The following EML6 variants were observed in gnomAD, a reference collection of about 807,000 sequenced individuals.
EML6 encodes EMAP like 6, also known as echinoderm microtubule-associated protein-like 6.
A neutral mutation model predicts 240.1 loss-of-function variants in EML6; 154 were observed. That is an observed-to-expected ratio of 0.64 (90% CI 0.56 to 0.73). EML6 has a LOEUF of 0.73. Ranked by LOEUF, EML6 falls within the 30% of genes least tolerant of loss-of-function variation. The pLI is 0.00. For synonymous variants in EML6, 1,148 were observed against 899.0 expected (o/e 1.28, Z -4.95); for missense variants, 2,964 against 2,474.6 (o/e 1.20, Z -4.20).
At chr2:54,821,461 C>T (rs557593719) in intron 5 of EML6, among the ~76,000 whole-genome samples, 1 of 152,104 alleles carries the variant, frequency 6.6e-6, no homozygotes, top group East Asian at 1.9e-4. Flanking sequence ...TATCATTTAT[C>T]TCCAAATTTA....
At chr2:54,828,057 C>A (rs1668682633) in intron 6 of EML6, among the ~76,000 whole-genome samples, 1 of 152,178 alleles carries the variant, frequency 6.6e-6, no homozygotes. Flanking sequence ...TTAATGTGCC[C>A]ATGAGTTTCT....
chr2:54,910,283 C>T (rs1558676724), intron 24 of EML6, among the ~76,000 whole-genome samples: 1 of 152,216 alleles, frequency 6.6e-6, no homozygotes, highest in Admixed American at 6.5e-5. Flanking sequence ...TTAAGCCTTA[C>T]AAGATTGTTG....
intron 28 of EML6, among the ~76,000 whole-genome samples, chr2:54,930,392 C>T (rs1674789136): frequency 6.6e-6 from 1 of 152,154 alleles, no homozygotes; most frequent in Non-Finnish European, 1.5e-5. Context: ...GGTAGGAGGA[C>T]TGATGATAGA....
intron 34 of EML6, among the ~76,000 whole-genome samples, chr2:54,959,491 G>T (rs762431461): frequency 1.1e-4 from 16 of 152,140 alleles, no homozygotes; most frequent in Non-Finnish European, 1.9e-4. Context: ...GAGAGGCATG[G>T]TGGTTCACGC....
intron 7 of EML6, among the ~76,000 whole-genome samples, chr2:54,832,708 T>G (rs562261739): frequency 1.3e-5 from 2 of 150,216 alleles, no homozygotes; most frequent in South Asian, 4.2e-4. Flanking sequence ...GAAAGCAGAG[T>G]GGACAGAAGA....
chr2:54,841,192 C>A (rs972670643), intron 7 of EML6, among the ~76,000 whole-genome samples: 1 of 152,270 alleles, frequency 6.6e-6, no homozygotes, highest in African/African-American at 2.4e-5. Flanking sequence ...GACATCCTGA[C>A]TGCTTTCACC....
At chr2:54,860,134 T>G (rs1479049576) in intron 12 of EML6, among the ~76,000 whole-genome samples, 1 of 152,186 alleles carries the variant, frequency 6.6e-6, no homozygotes, top group Non-Finnish European at 1.5e-5. Flanking sequence ...AACCCTACCC[T>G]GCGCACTGCT....
intron 9 of EML6, among the ~76,000 whole-genome samples, chr2:54,848,997 A>G (rs1669923296): frequency 6.6e-6 from 1 of 152,210 alleles, no homozygotes; most frequent in Admixed American, 6.5e-5. Flanking sequence ...TGATTTATTT[A>G]TGTTAATCTT....
At position 54,959,106 on chromosome 2, in the gene EML6, C is replaced by T. The variant is rs1676373638; in HGVS notation, c.4698C>T (p.Asn1566=). The T allele has an allele frequency of 6.5e-7, 1 of 1,549,624 alleles. No individual in the cohort carries two copies. Among genetic ancestry groups the T allele is most frequent in the African/African-American group, 1.4e-5 (1 of 73,058 alleles). ...QTMLSVAFGA[N]NLTFTGAING... ...AGAAGATGTTGTTTTGTTTACAGAA[C>T]AATCTCACTTTCACGGGTGCCATCA... The change falls in exon 34 of 42, where the codon AAC becomes AAT. Residue 1566 remains asparagine (N), a splice_region_variant and synonymous_variant. Transcript: ENST00000356458.
At chr2:54,744,985 G>T (rs1176692572) in intron 2 of EML6, among the ~76,000 whole-genome samples, 1 of 149,452 alleles carries the variant, frequency 6.7e-6, no homozygotes, top group Non-Finnish European at 1.5e-5. Context: ...GGCCTTCCCA[G>T]TGAGGGAGTG....
chr2:54,890,417 C>T (rs1209748155), intron 17 of EML6, among the ~76,000 whole-genome samples: 2 of 152,154 alleles, frequency 1.3e-5, no homozygotes, highest in Non-Finnish European at 2.9e-5. Context: ...GATGCCAAGT[C>T]TACAGCCCAG....
chr2:54,968,626 A>G, intron 40 of EML6, 42 bp from the exon 41 acceptor site: 1 of 1,180,712 alleles, frequency 8.5e-7, no homozygotes, highest in Non-Finnish European at 1.2e-6. Flanking sequence ...TGCTGAGAGG[A>G]GCCAGGGTCT....
chr2:54,815,359 G>A (rs1315436301), intron 3 of EML6, among the ~76,000 whole-genome samples: 4 of 152,162 alleles, frequency 2.6e-5, no homozygotes, highest in Admixed American at 6.5e-5. Context: ...CCTGGACAGA[G>A]TTCACTGGAA....
chr2:54,757,959 G>T (rs1181726890), intron 2 of EML6, among the ~76,000 whole-genome samples: 3 of 149,142 alleles, frequency 2.0e-5, no homozygotes, highest in Non-Finnish European at 3.0e-5. Flanking sequence ...TTGTGGGCCT[G>T]TGTCTTTTAA....
intron 5 of EML6, among the ~76,000 whole-genome samples, chr2:54,823,868 CTCTCTCTCTTTCTG>C (rs1386631708): frequency 8.1e-5 from 12 of 148,234 alleles, no homozygotes; most frequent in African/African-American, 2.6e-4. Context: ...CTCTCTCTCT[CTCTCTCTCTTTCTG>C]TCTCTCTCTC....
rs11315862 is a variant in EML6 at position 54,957,354 on chromosome 2, GAAAA to G, written c.4487-421_4487-418del. 1.9e-4 allele frequency among the ~76,000 whole-genome samples: 20 copies of G among 106,470 alleles called. 1 individual carries two copies. The South Asian group carries it at 5.7e-3, about 30-fold the overall frequency. 69.8% of individuals were successfully genotyped at this position (106,470 alleles called of 152,430 possible). A position where few individuals can be genotyped will look rare whatever the true frequency, so the allele number is the denominator to read the frequency against. On this transcript the variant is annotated intron_variant, in intron 32 of 41. Transcript: ENST00000356458. ...TAAAGAAAATGCAGGAGAATCTTAG[GAAAA>G]AAAAAAAAAAAAAAGCTCTCTAGAG...
Position 54,725,029 on chromosome 2 carries a change from G to C in EML6, c.-33G>C. On this transcript the variant is annotated 5_prime_UTR_variant, in exon 2 of 42. Coordinates refer to ENST00000356458, the MANE Select transcript of EML6 (RefSeq NM_001039753.4). The surrounding 1 kb of genome is among the most constrained non-coding windows in gnomAD (Gnocchi z 4.3). ...CTCGGCGAGGACGGCCCCGGCGCGCGGGGGGGCGGGGGGCGCGCGGGGTCG... is the reference window on the plus strand; with the variant it reads ...CTCGGCGAGGACGGCCCCGGCGCGCCGGGGGGCGGGGGGCGCGCGGGGTCG... 2 of 1,463,176 alleles carry C rather than the reference G, an allele frequency of 1.4e-6. No homozygotes were observed. The highest frequency in any genetic ancestry group is 1.8e-6 in the Non-Finnish European group (2 of 1,107,244). The allele number at this position is 1,463,176 out of a possible 1,614,324, so 90.6% of individuals were successfully genotyped here. A position where few individuals can be genotyped will look rare whatever the true frequency, so the allele number is the denominator to read the frequency against.
chr2:54,809,650 A>G (rs1325591077), intron 2 of EML6, among the ~76,000 whole-genome samples: 1 of 152,196 alleles, frequency 6.6e-6, no homozygotes, highest in African/African-American at 2.4e-5. Context: ...GTCATTTAAA[A>G]TGCTTCTGAA....
chr2:54,822,282 G>T (rs1297281676), intron 5 of EML6, among the ~76,000 whole-genome samples: 1 of 152,152 alleles, frequency 6.6e-6, no homozygotes, highest in Admixed American at 6.5e-5. Flanking sequence ...AAACCTTGCT[G>T]GTAGAGAGGG....
Sources: allele counts gnomAD v4.1 joint callset (sites outside exome capture counted in the v4.1 genomes callset), GRCh38; gene constraint gnomAD v4.1.1; non-coding constraint Gnocchi (gnomAD v3.1); transcripts MANE v1.5; gene names NCBI Gene and HGNC (gene_info 2026-07-23, HGNC 2026-07-21).